Variants in MBD6 observed in about 807,000 individuals in gnomAD.
MBD6 encodes methyl-CpG binding domain protein 6, also known as methyl-CpG-binding domain protein 6.
MBD6 carries 22 observed loss-of-function variants against 66.8 expected under a neutral mutation model. The observed-to-expected ratio is 0.33, with a 90% CI of 0.24 to 0.47. The LOEUF (loss-of-function observed/expected upper bound fraction) is 0.47, where lower values mean the gene tolerates loss of function less well. Ranked by LOEUF, MBD6 falls within the 20% of genes least tolerant of loss-of-function variation. The pLI, the probability that MBD6 is intolerant of heterozygous loss-of-function variation, is 1.00. For synonymous variants in MBD6, 540 were observed against 534.6 expected, an observed-to-expected ratio of 1.01 and a Z score of -0.14; for missense variants, 1,322 against 1,286.9, an observed-to-expected ratio of 1.03 and a Z score of -0.42.
At position 57,525,976 on chromosome 12, in the gene MBD6, C is replaced by T; in HGVS notation, c.1008C>T (p.Pro336=). 6.2e-7 allele frequency: 1 copy of T among 1,613,732 alleles called. No individual in the cohort carries two copies. The highest frequency in any genetic ancestry group is 8.5e-7 in the Non-Finnish European group (1 of 1,179,904). The change falls in exon 6 of 13, where the codon CCC becomes CCT. Residue 336 remains proline (P), a synonymous_variant. Transcript: ENST00000355673. ...AAAKAQHPPL[P]PPSTLQGRRP... Reference sequence around the variant, plus strand: ...CCAAGGCACAGCATCCCCCACTACCCCCTCCCAGCACTTTACAGGGCCGAA... The same window carrying T: ...CCAAGGCACAGCATCCCCCACTACCTCCTCCCAGCACTTTACAGGGCCGAA...
At chr12:57,522,474 T>G (rs369578347), upstream of MBD6, among the ~76,000 whole-genome samples, 3 of 151,858 alleles carry the variant, frequency 2.0e-5, no homozygotes, top group African/African-American at 2.4e-5. Flanking sequence ...CGCAACAGAC[T>G]GTGGCTTTGG....
downstream of MBD6, chr12:57,530,519 C>G: frequency 1.7e-6 from 1 of 571,544 alleles, no homozygotes; most frequent in Non-Finnish European, 3.1e-6. Flanking sequence ...AGCTACCACT[C>G]TGTATTCATC....
At chr12:57,524,690 C>A (rs780071537) in intron 3 of MBD6, 30 bp from the exon 4 acceptor site, 2 of 1,603,780 alleles carry the variant, frequency 1.2e-6, no homozygotes, top group East Asian at 2.2e-5. Flanking sequence ...GCCAGCTAAC[C>A]CCATGTCCTC....
At chr12:57,525,175 G>A in intron 5 of MBD6, 60 bp downstream of exon 5, 2 of 1,568,564 alleles carry the variant, frequency 1.3e-6, no homozygotes, top group Non-Finnish European at 1.7e-6. Flanking sequence ...GAAGGCTGGT[G>A]GTGGGAGGAG....
In MBD6 at chr12:57,528,936, C is replaced by T. The variant is rs537914016; in HGVS notation, c.2874-10C>T. The T allele has an allele frequency of 6.2e-7, 1 of 1,614,156 alleles. No homozygotes were observed. The highest frequency in any genetic ancestry group is 1.1e-5 in the South Asian group (1 of 91,076). On this transcript the variant is annotated splice_polypyrimidine_tract_variant and intron_variant, in intron 11 of 12. Coordinates refer to ENST00000355673, the MANE Select transcript of MBD6 (RefSeq NM_052897.4). ...GAGCTGTTCCTGATCATCTGTGCCC[C>T]TTATTGCAGCCCTACCCGGAACAGC...
chr12:57,525,453 G>A lies in MBD6; in HGVS notation c.485G>A (p.Gly162Asp). ...ACAACTCCACTTAATGGGGGTCCTG[G>A]CTCCCTTCCCCCAGAACCACCCTCA... is the stretch of plus-strand genomic sequence containing the variant. The part of the protein sequence containing the change: ...PPTTPLNGGP[G>D]SLPPEPPSVS... The change falls in exon 6 of 13, where the codon GGC becomes GAC. Residue 162 changes from glycine (G) to aspartate (D), a missense_variant. By Grantham distance (94) the Gly-to-Asp change is moderately conservative (BLOSUM62 -1). Coordinates refer to ENST00000355673, the MANE Select transcript of MBD6 (RefSeq NM_052897.4). 6.5e-7 allele frequency: 1 copy of A among 1,536,026 alleles called. No homozygotes were observed. Among genetic ancestry groups the A allele is most frequent in the Non-Finnish European group, 8.7e-7 (1 of 1,146,144 alleles).
rs779284032 is a variant in MBD6, at chr12:57,528,943, C to T, written c.2874-3C>T. On this transcript the variant is annotated splice_polypyrimidine_tract_variant and splice_region_variant and intron_variant, in intron 11 of 12. Transcript: ENST00000355673. ...TCCTGATCATCTGTGCCCCTTATTGCAGCCCTACCCGGAACAGCAATAGCT... is the reference window on the plus strand; with the variant it reads ...TCCTGATCATCTGTGCCCCTTATTGTAGCCCTACCCGGAACAGCAATAGCT... 4.3e-6 allele frequency: 7 copies of T among 1,614,138 alleles called. No homozygotes were observed. Among genetic ancestry groups the T allele is most frequent in the Non-Finnish European group, 5.9e-6 (7 of 1,180,024 alleles).
intron 12 of MBD6, 39 bp downstream of exon 12, chr12:57,529,048 T>C: frequency 1.2e-6 from 2 of 1,613,118 alleles, no homozygotes; most frequent in Non-Finnish European, 8.5e-7. Flanking sequence ...ATGGGTAGGG[T>C]GTAAGGGATG....
At position 57,528,035 on chromosome 12, in the gene MBD6, T is replaced by C. The variant is rs1180642856; in HGVS notation, c.2406+18T>C. The C allele has an allele frequency of 3.9e-6, 6 of 1,530,790 alleles. No homozygotes were observed. In the African/African-American group the frequency reaches 8.4e-5, roughly 21 times the overall value. 94.8% of individuals were successfully genotyped at this position (1,530,790 alleles called of 1,614,324 possible). On this transcript the variant is annotated intron_variant, in intron 9 of 12. Coordinates refer to ENST00000355673, the MANE Select transcript of MBD6 (RefSeq NM_052897.4). ...GTCTCCAGGTGAGGGTGTGGGCATA[T>C]ATTTGTCAGGGAGATAATTTTTTCT...
Position 57,529,222 on chromosome 12 carries a change from A to C in MBD6, c.3000A>C (p.Lys1000Asn). 1 of 1,614,016 alleles carries C rather than the reference A, an allele frequency of 6.2e-7. No homozygotes were observed. Among genetic ancestry groups the C allele is most frequent in the Non-Finnish European group, 8.5e-7 (1 of 1,179,986 alleles). The change falls in exon 13 of 13, where the codon AAA becomes AAC. Residue 1000 changes from lysine to asparagine, a missense_variant. Transcript: ENST00000355673. ...GTCCTGCCAAAAACAAGAGGAGGAA[A>C]CTGGCCCCATAGCAGCCATACCTGG... ...PGRPAKNKRRKLAP is the reference protein window; with the variant it reads ...PGRPAKNKRRNLAP
At chr12:57,530,622 C>T, downstream of MBD6, 3 of 1,360,768 alleles carry the variant, frequency 2.2e-6, no homozygotes, top group Non-Finnish European at 3.1e-6. Context: ...AGGGGAAACC[C>T]TATGTAAGCT....
chr12:57,525,548 C>T lies in MBD6; in HGVS notation c.580C>T (p.Pro194Ser), dbSNP rs768077384. Residue 194 changes from proline (P) to serine (S), a missense_variant, in exon 6 of 13, where the codon CCT becomes TCT. Transcript: ENST00000355673. ...LFPPRLADPV[P>S]SGGSSSPRFL... ...CCCCCCAAGGCTTGCTGACCCAGTCCCTTCTGGGGGCAGTAGCAGCCCCCG... is the reference window on the plus strand; with the variant it reads ...CCCCCCAAGGCTTGCTGACCCAGTCTCTTCTGGGGGCAGTAGCAGCCCCCG... 9 of 1,604,958 alleles carry T rather than the reference C, an allele frequency of 5.6e-6. No individual in the cohort carries two copies. In the Admixed American group the frequency reaches 1.4e-4, roughly 24 times the overall value.
chr12:57,527,432 T>A (rs1207191728), intron 7 of MBD6, 75 bp from the exon 8 acceptor site: 2 of 1,532,420 alleles, frequency 1.3e-6, no homozygotes, highest in Non-Finnish European at 1.8e-6. Context: ...TTCAGTCAGA[T>A]AGTGGATGTG....
chr12:57,529,425 C>T lies in MBD6; in HGVS notation c.*191C>T, dbSNP rs369788126. The T allele has an allele frequency of 5.8e-6, 3 of 520,398 alleles. No individual in the cohort carries two copies. Among genetic ancestry groups the T allele is most frequent in the East Asian group, 3.2e-5 (1 of 31,696 alleles). The allele number at this position is 520,398 out of a possible 1,614,324, so 32.2% of individuals were successfully genotyped here. A position where few individuals can be genotyped will look rare whatever the true frequency, so the allele number is the denominator to read the frequency against. On this transcript the variant is annotated 3_prime_UTR_variant, in exon 13 of 13. Transcript: ENST00000355673. Reference sequence around the variant, plus strand: ...CAGGGGGCAGGGAAGTTCACCCCCCCCCACCACCCCCCCGCCCCCCCGAAG... The same window carrying T: ...CAGGGGGCAGGGAAGTTCACCCCCCTCCACCACCCCCCCGCCCCCCCGAAG...
chr12:57,530,632 T>C (rs938363402), downstream of MBD6: 1 of 1,437,754 alleles, frequency 7.0e-7, no homozygotes, highest in Non-Finnish European at 9.7e-7. Context: ...CTATGTAAGC[T>C]GTTAACAGAG....
chr12:57,528,375 A>AAGCCTGGCAGCCGGCGGG lies in MBD6; in HGVS notation c.2644_2661dup (p.Ser882_Gly887dup), dbSNP rs759444034. 16 of 1,612,694 alleles carry AAGCCTGGCAGCCGGCGGG rather than the reference A, an allele frequency of 9.9e-6. No individual in the cohort carries two copies. Among genetic ancestry groups the AAGCCTGGCAGCCGGCGGG allele is most frequent in the African/African-American group, 8.0e-5 (6 of 74,926 alleles). On this transcript the variant is annotated inframe_insertion, in exon 10 of 13. Coordinates refer to ENST00000355673, the MANE Select transcript of MBD6 (RefSeq NM_052897.4). ...TGAGGCCAGGCCAGCCCGGGGCCGA[A>AAGCCTGGCAGCCGGCGGG]AGCCTGGCAGCCGGCGGGAGCCTGG...
chr12:57,524,029 G>T lies in MBD6; in HGVS notation c.-88G>T. The T allele has an allele frequency of 1.1e-5, 3 of 284,492 alleles. No homozygotes were observed. Among genetic ancestry groups the T allele is most frequent in the Non-Finnish European group, 2.0e-5 (3 of 151,836 alleles). 17.6% of individuals were successfully genotyped at this position (284,492 alleles called of 1,614,324 possible). On this transcript the variant is annotated splice_region_variant and 5_prime_UTR_variant, in exon 2 of 13. Coordinates refer to ENST00000355673, the MANE Select transcript of MBD6 (RefSeq NM_052897.4). The stretch of plus-strand genomic sequence containing the variant: ...TCCCATCTCTCTACTTGCGTTGCAG[G>T]TGTGGGCTAAGCTGGTGGCCCCGGC...
chr12:57,528,624 C>T, intron 10 of MBD6, 42 bp from the exon 11 acceptor site: 1 of 1,613,714 alleles, frequency 6.2e-7, no homozygotes, highest in South Asian at 1.1e-5. Flanking sequence ...GCTTTGGAGC[C>T]TTTTTCGAAA....
Position 57,528,417 on chromosome 12 carries a change from TGGG to T in MBD6, c.2680_2682del (p.Gly894del). On this transcript the variant is annotated inframe_deletion, in exon 10 of 13. Transcript: ENST00000355673. Reference sequence around the variant, plus strand: ...GGAGCCTGGCCGACTGGCCCTCAAATGGGGGACACGTGGTGGCTTCAATGGACA... The same window carrying T: ...GGAGCCTGGCCGACTGGCCCTCAAATGGACACGTGGTGGCTTCAATGGACA... 6.2e-7 allele frequency: 1 copy of T among 1,613,188 alleles called. No individual in the cohort carries two copies. Among genetic ancestry groups the T allele is most frequent in the South Asian group, 1.1e-5 (1 of 91,072 alleles).
Sources: allele counts gnomAD v4.1 joint callset (sites outside exome capture counted in the v4.1 genomes callset), GRCh38; gene constraint gnomAD v4.1.1; transcripts MANE v1.5; gene names NCBI Gene and HGNC (gene_info 2026-07-23, HGNC 2026-07-21).